Variants in BCAS4 observed in about 807,000 individuals in gnomAD.
BCAS4 encodes breast carcinoma amplified sequence 4.
Under a neutral mutation model 15.7 loss-of-function variants are expected in BCAS4, and 9 were observed. The ratio of observed to expected loss-of-function variants is 0.57; its 90% CI spans 0.34 to 1.00. The LOEUF (loss-of-function observed/expected upper bound fraction) is 1.00. BCAS4 is among the 50% of genes least tolerant of loss of function. BCAS4 has a pLI of 0.02. For missense variants in BCAS4, 225 were observed against 239.1 expected, an observed-to-expected ratio of 0.94 and a Z score of 0.39; for synonymous variants, 101 against 99.5, an observed-to-expected ratio of 1.02 and a Z score of -0.09.
intron 1 of BCAS4, among the ~76,000 whole-genome samples, chr20:50,801,690 C>G (rs1370586662): frequency 6.6e-6 from 1 of 152,154 alleles, no homozygotes; most frequent in African/African-American, 2.4e-5. Flanking sequence ...CTGCTGTAGG[C>G]ACTGGGCGAG....
chr20:50,858,779 G>A lies in BCAS4; in HGVS notation c.399+16879G>A, dbSNP rs191026291. Among the ~76,000 whole-genome samples, 595 of 135,238 alleles carry A rather than the reference G, an allele frequency of 4.4e-3. 2 individuals are homozygous for A. The highest frequency in any genetic ancestry group is 7.2e-3 in the Non-Finnish European group (472 of 65,464). The allele number at this position is 135,238 out of a possible 152,430, so 88.7% of individuals were successfully genotyped here. Reference sequence around the variant, plus strand: ...GTCACTCTTTCGCCCAGGCTGGAATGCAGTGACACAGATCATAGCTCACTG... The same window carrying A: ...GTCACTCTTTCGCCCAGGCTGGAATACAGTGACACAGATCATAGCTCACTG... On this transcript the variant is annotated intron_variant, in intron 4 of 4. Coordinates refer to ENST00000371608, the MANE Select transcript of BCAS4 (RefSeq NM_198799.4).
In BCAS4 at chr20:50,798,895, G is replaced by T. The variant is rs537337298; in HGVS notation, c.90+3722G>T. Among the ~76,000 whole-genome samples the T allele has an allele frequency of 6.6e-5, 10 of 152,330 alleles. No homozygotes were observed. In the East Asian group the frequency reaches 1.9e-3, roughly 29 times the overall value. ...GGATGGTGTTATGTTGATTTTATAG[G>T]TCAGCAAACAGAGGCTCTCATGGCA... On this transcript the variant is annotated intron_variant, in intron 1 of 4. Coordinates refer to ENST00000371608, the MANE Select transcript of BCAS4 (RefSeq NM_198799.4).
At chr20:50,862,553 G>A (rs1470606560) in intron 4 of BCAS4, among the ~76,000 whole-genome samples, 1 of 144,606 alleles carries the variant, frequency 6.9e-6, no homozygotes, top group Non-Finnish European at 1.5e-5. Flanking sequence ...AGATGCACGG[G>A]CACAGCCAGA....
At chr20:50,826,913 A>G (rs1367724436) in intron 2 of BCAS4, among the ~76,000 whole-genome samples, 1 of 151,760 alleles carries the variant, frequency 6.6e-6, no homozygotes, top group Non-Finnish European at 1.5e-5. Flanking sequence ...GGCTGCAACA[A>G]GTCATGATCA....
chr20:50,808,965 G>A lies in BCAS4; in HGVS notation c.91-9246G>A, dbSNP rs186221803. Among the ~76,000 whole-genome samples the A allele has an allele frequency of 1.2e-4, 18 of 152,212 alleles. No individual in the cohort carries two copies. The East Asian group carries it at 3.5e-3, about 29-fold the overall frequency. On this transcript the variant is annotated intron_variant, in intron 1 of 4. Transcript: ENST00000371608. ...ATCTTCTAGAATTTTTATGGTTTCA[G>A]GTCTTAGATTTAAGTGTTTGATGCA...
chr20:50,823,172 T>G (rs541481406), intron 2 of BCAS4, among the ~76,000 whole-genome samples: 9 of 151,788 alleles, frequency 5.9e-5, no homozygotes, highest in African/African-American at 1.9e-4. Flanking sequence ...AAACCCTGTC[T>G]CTACTAAAAA....
intron 3 of BCAS4, among the ~76,000 whole-genome samples, chr20:50,837,933 A>G (rs1374588766): frequency 6.6e-6 from 1 of 152,130 alleles, no homozygotes; most frequent in East Asian, 1.9e-4. Context: ...AGCCCTTGGC[A>G]TATGCTTCCT....
chr20:50,835,297 T>C (rs966911659), intron 3 of BCAS4, among the ~76,000 whole-genome samples: 6 of 148,104 alleles, frequency 4.1e-5, no homozygotes, highest in African/African-American at 1.5e-4. Flanking sequence ...CAGGCTGGAG[T>C]GCAGTGGTGC....
intron 4 of BCAS4, among the ~76,000 whole-genome samples, chr20:50,868,546 C>T (rs1409211197): frequency 4.6e-5 from 7 of 152,184 alleles, no homozygotes; most frequent in Non-Finnish European, 1.5e-5. Context: ...CCTCGGCCTC[C>T]TGAGTAGCTG....
intron 2 of BCAS4, among the ~76,000 whole-genome samples, chr20:50,825,548 G>A (rs1165318963): frequency 6.6e-6 from 1 of 152,222 alleles, no homozygotes; most frequent in East Asian, 1.9e-4. Flanking sequence ...AGCCATTGGA[G>A]AAGCTGCATC....
chr20:50,830,251 G>A lies in BCAS4; in HGVS notation c.163-28G>A. 5 of 1,579,260 alleles carry A rather than the reference G, an allele frequency of 3.2e-6. No individual in the cohort carries two copies. The South Asian group carries it at 5.5e-5, about 17-fold the overall frequency. ...GGAGGACACAGTGATGGGGCAGAAG[G>A]CCTGATGAGCTGTTTTGTTCCTTGC... is the stretch of plus-strand genomic sequence containing the variant. On this transcript the variant is annotated intron_variant, in intron 2 of 4. Coordinates refer to ENST00000371608, the MANE Select transcript of BCAS4 (RefSeq NM_198799.4).
rs146194356 is a variant in BCAS4, at chr20:50,832,414, C to T, written c.264+2034C>T. On this transcript the variant is annotated intron_variant, in intron 3 of 4. Transcript: ENST00000371608. ...CTGGGATTATAGGTGCTTTCCACCACGTCCAGCTAATTTTTGTATTTTTCG... is the reference window on the plus strand; with the variant it reads ...CTGGGATTATAGGTGCTTTCCACCATGTCCAGCTAATTTTTGTATTTTTCG... Among the ~76,000 whole-genome samples the T allele has an allele frequency of 1.7e-3, 259 of 151,768 alleles. 2 individuals are homozygous for T. The highest frequency in any genetic ancestry group is 2.9e-3 in the African/African-American group (120 of 41,414).
At chr20:50,858,681 A>G (rs1417678994) in intron 4 of BCAS4, among the ~76,000 whole-genome samples, 1 of 151,744 alleles carries the variant, frequency 6.6e-6, no homozygotes, top group Non-Finnish European at 1.5e-5. Context: ...AAAAATCAGA[A>G]CATGTTCAGT....
At chr20:50,874,645 G>A (rs1979832698) in intron 4 of BCAS4, among the ~76,000 whole-genome samples, 1 of 152,176 alleles carries the variant, frequency 6.6e-6, no homozygotes, top group African/African-American at 2.4e-5. Flanking sequence ...GCCGGCTGGT[G>A]GACAGATGCT....
At chr20:50,833,579 C>T (rs1484891933) in intron 3 of BCAS4, among the ~76,000 whole-genome samples, 4 of 152,208 alleles carry the variant, frequency 2.6e-5, no homozygotes, top group African/African-American at 4.8e-5. Flanking sequence ...AAGATTGCCG[C>T]GTTTCAAAGC....
intron 1 of BCAS4, among the ~76,000 whole-genome samples, chr20:50,817,168 A>G (rs2088150253): frequency 1.3e-5 from 2 of 150,762 alleles, no homozygotes; most frequent in Non-Finnish European, 2.9e-5. Flanking sequence ...GAATTCCTGG[A>G]CTTAAGTGAT....
chr20:50,853,668 C>T (rs1249570309), intron 4 of BCAS4, among the ~76,000 whole-genome samples: 5 of 11,876 alleles, frequency 4.2e-4, no homozygotes, highest in Non-Finnish European at 9.8e-4. Flanking sequence ...CTGTGGGGAC[C>T]ATTTTGTGTA....
intron 3 of BCAS4, among the ~76,000 whole-genome samples, chr20:50,836,170 C>T (rs2088407164): frequency 6.6e-6 from 1 of 152,178 alleles, no homozygotes; most frequent in Non-Finnish European, 1.5e-5. Flanking sequence ...CCCGCTTCAG[C>T]CTCCCAAAGT....
intron 1 of BCAS4, among the ~76,000 whole-genome samples, chr20:50,814,482 C>G (rs570774904): frequency 6.6e-6 from 1 of 152,326 alleles, no homozygotes; most frequent in East Asian, 1.9e-4. Flanking sequence ...ACAAACTTTC[C>G]CACTGTTGCC....
Sources: allele counts gnomAD v4.1 joint callset (sites outside exome capture counted in the v4.1 genomes callset), GRCh38; gene constraint gnomAD v4.1.1; transcripts MANE v1.5; gene names NCBI Gene and HGNC (gene_info 2026-07-23, HGNC 2026-07-21).